CNTNAP2: variants seen among roughly 807,000 people sequenced by gnomAD.
CNTNAP2 encodes the protein contactin associated protein 2.
A neutral mutation model predicts 155.2 loss-of-function variants in CNTNAP2; 98 were observed. That is an observed-to-expected ratio of 0.63 (90% CI 0.54 to 0.75). The LOEUF is 0.75. Among genes scored for constraint, CNTNAP2 ranks in the 30% least tolerant of loss-of-function variants. The pLI is 0.00. For missense variants in CNTNAP2, 1,727 were observed against 1,688.1 expected (o/e 1.02, Z -0.40); for synonymous variants, 651 against 631.2 (o/e 1.03, Z -0.47).
At chr7:146,433,130 G>T (rs1796194848) in intron 1 of CNTNAP2, among the ~76,000 whole-genome samples, 1 of 152,108 alleles carries the variant, frequency 6.6e-6, no homozygotes, top group African/African-American at 2.4e-5. Context: ...CAAAGTGTTT[G>T]GGGGCTCCAG....
chr7:146,681,283 G>A (rs946480050), intron 1 of CNTNAP2, among the ~76,000 whole-genome samples: 2 of 150,366 alleles, frequency 1.3e-5, no homozygotes, highest in African/African-American at 4.9e-5. Flanking sequence ...GAGACAGGAG[G>A]GGTTGGGAAA....
chr7:148,379,663 A>G (rs1799009157), intron 21 of CNTNAP2, among the ~76,000 whole-genome samples: 1 of 152,214 alleles, frequency 6.6e-6, no homozygotes, highest in Non-Finnish European at 1.5e-5. Flanking sequence ...CAGTGAGCTG[A>G]GATTGTGCCT....
intron 13 of CNTNAP2, among the ~76,000 whole-genome samples, chr7:147,679,517 G>A (rs778395542): frequency 2.0e-5 from 3 of 151,852 alleles, no homozygotes; most frequent in Non-Finnish European, 4.4e-5. Flanking sequence ...ATATGGCCAC[G>A]TTGTAAATGT....
intron 15 of CNTNAP2, among the ~76,000 whole-genome samples, chr7:148,016,711 G>A (rs536713228): frequency 6.7e-4 from 102 of 152,292 alleles, no homozygotes; most frequent in Middle Eastern, 3.4e-3. Flanking sequence ...CTAACATTTC[G>A]GTGTATTGGT....
intron 15 of CNTNAP2, among the ~76,000 whole-genome samples, chr7:148,080,998 G>A (rs1392099414): frequency 4.6e-5 from 7 of 152,152 alleles, no homozygotes; most frequent in Non-Finnish European, 7.4e-5. Context: ...GGTGGAAACC[G>A]TGCATACAGA....
At chr7:146,829,269 GC>G (rs1254820936) in intron 2 of CNTNAP2, among the ~76,000 whole-genome samples, 2 of 151,860 alleles carry the variant, frequency 1.3e-5, no homozygotes, top group Non-Finnish European at 2.9e-5. Flanking sequence ...TCTTTTGTTT[GC>G]CTAATTGCCA....
intron 1 of CNTNAP2, among the ~76,000 whole-genome samples, chr7:146,275,641 A>C (rs1345700575): frequency 1.3e-5 from 2 of 152,156 alleles, no homozygotes; most frequent in African/African-American, 2.4e-5. Context: ...ATAGATAAGA[A>C]ATGTAAATCA....
At chr7:147,601,339 G>A (rs540194990) in intron 12 of CNTNAP2, among the ~76,000 whole-genome samples, 1 of 152,076 alleles carries the variant, frequency 6.6e-6, no homozygotes, top group African/African-American at 2.4e-5. Flanking sequence ...TATAGGATTT[G>A]GGTAGGTAGT....
intron 13 of CNTNAP2, among the ~76,000 whole-genome samples, chr7:147,642,172 A>T (rs1306859286): frequency 1.3e-5 from 2 of 152,106 alleles, no homozygotes; most frequent in East Asian, 3.9e-4. Context: ...AGCCCTTTTC[A>T]CAGATTCCAG....
chr7:147,532,127 A>T (rs989599893), intron 11 of CNTNAP2, among the ~76,000 whole-genome samples: 9 of 152,084 alleles, frequency 5.9e-5, no homozygotes, highest in Non-Finnish European at 1.3e-4. Context: ...TTTCTATCAC[A>T]TAGTCAGGCT....
intron 3 of CNTNAP2, among the ~76,000 whole-genome samples, chr7:146,867,236 C>A (rs538200153): frequency 1.3e-5 from 2 of 152,138 alleles, no homozygotes; most frequent in South Asian, 4.2e-4. Flanking sequence ...AAGTTCTTAT[C>A]ATTAGGCTCC....
intron 8 of CNTNAP2, among the ~76,000 whole-genome samples, chr7:147,183,124 A>G (rs1260686032): frequency 6.6e-6 from 1 of 152,006 alleles, no homozygotes; most frequent in Non-Finnish European, 1.5e-5. Flanking sequence ...TAAGGTTCAA[A>G]CTAACAGTGG....
intron 21 of CNTNAP2, among the ~76,000 whole-genome samples, chr7:148,363,684 G>T (rs1042228038): frequency 1.3e-5 from 2 of 152,184 alleles, no homozygotes; most frequent in African/African-American, 4.8e-5. Context: ...GCTTGCTCTC[G>T]GCACCTCCCC....
chr7:146,452,682 G>T (rs947340344), intron 1 of CNTNAP2, among the ~76,000 whole-genome samples: 1 of 152,034 alleles, frequency 6.6e-6, no homozygotes, highest in African/African-American at 2.4e-5. Context: ...CCATGCATGT[G>T]GTTTAACATT....
At position 146,550,415 on chromosome 7, in the gene CNTNAP2, T is replaced by TTTGTTG. The variant is rs1554447441; in HGVS notation, c.98-223854_98-223853insGTTGTT. On this transcript the variant is annotated intron_variant, in intron 1 of 23. Coordinates refer to ENST00000361727, the MANE Select transcript of CNTNAP2 (RefSeq NM_014141.6). Reference sequence around the variant, plus strand: ...TCCATTAATCTGTTTTTTTTTTTTTTTTTTTTTTTTTTTTATAAAGTACCC... The same window carrying TTTGTTG: ...TCCATTAATCTGTTTTTTTTTTTTTTTTGTTGTTTTTTTTTTTTTTATAAAGTACCC... 1.3e-3 allele frequency among the ~76,000 whole-genome samples: 148 copies of TTTGTTG among 115,820 alleles called. 2 individuals carry two copies. The East Asian group carries it at 0.016, about 13-fold the overall frequency. The allele number at this position is 115,820 out of a possible 152,430, so 76.0% of individuals were successfully genotyped here.
intron 21 of CNTNAP2, among the ~76,000 whole-genome samples, chr7:148,364,837 C>G (rs1798706455): frequency 6.6e-6 from 1 of 152,180 alleles, no homozygotes; most frequent in South Asian, 2.1e-4. Flanking sequence ...ACTTTGGAAG[C>G]TTTGTTCTTT....
At chr7:148,283,160 A>G (rs199626145) in intron 21 of CNTNAP2, among the ~76,000 whole-genome samples, 1 of 145,702 alleles carries the variant, frequency 6.9e-6, no homozygotes, top group Admixed American at 7.0e-5. Flanking sequence ...AATTGCTTAA[A>G]CCCAGGAGGT....
At chr7:146,122,238 T>C (rs569908506) in intron 1 of CNTNAP2, among the ~76,000 whole-genome samples, 3 of 152,338 alleles carry the variant, frequency 2.0e-5, no homozygotes, top group Middle Eastern at 3.4e-3. Flanking sequence ...TGCTGAACGA[T>C]AGATAAAAGT....
chr7:147,733,893 TA>T (rs1481593954), intron 13 of CNTNAP2, among the ~76,000 whole-genome samples: 3 of 152,238 alleles, frequency 2.0e-5, no homozygotes, highest in African/African-American at 7.2e-5. Flanking sequence ...TGAAATTGCT[TA>T]TCAGCTTAAG....
Sources: gnomAD v4.1 joint callset for allele counts (sites outside exome capture counted in the v4.1 genomes callset) on GRCh38, gnomAD v4.1.1 for gene constraint, MANE v1.5 for transcripts, NCBI Gene and HGNC (gene_info 2026-07-23, HGNC 2026-07-21) for gene names.